The following PHLPP1 variants were observed in gnomAD, a reference collection of about 807,000 sequenced individuals.
The protein encoded by PHLPP1 is PH domain and leucine rich repeat protein phosphatase 1.
Under a neutral mutation model 117.2 loss-of-function variants are expected in PHLPP1, and 42 were observed. The ratio of observed to expected loss-of-function variants is 0.36; its 90% CI spans 0.28 to 0.46. PHLPP1 has a LOEUF of 0.46. Among genes scored for constraint, PHLPP1 ranks in the 20% least tolerant of loss-of-function variants. The pLI is 1.00. For synonymous variants in PHLPP1, 1,042 were observed against 970.7 expected (o/e 1.07, Z -1.37); for missense variants, 2,084 against 2,241.9 (o/e 0.93, Z 1.42).
intron 1 of PHLPP1, among the ~76,000 whole-genome samples, chr18:62,723,250 T>C (rs1910976012): frequency 6.6e-6 from 1 of 152,250 alleles, no homozygotes; most frequent in African/African-American, 2.4e-5. Context: ...ATCAATACTT[T>C]AGAAAAACAC....
rs774079803 is a variant in PHLPP1, at chr18:62,738,395, TAAA to T, written c.1576+21140_1576+21142del. ...CCAAAACAAAGCAACAATGCAACAA[TAAA>T]AAATAATAAAAAAATGCAGTATAAC... On this transcript the variant is annotated intron_variant, in intron 1 of 16. Coordinates refer to ENST00000262719, the MANE Select transcript of PHLPP1 (RefSeq NM_194449.4). 3.9e-5 allele frequency among the ~76,000 whole-genome samples: 6 copies of T among 152,082 alleles called. No homozygotes were observed. The East Asian group carries it at 1.2e-3, about 29-fold the overall frequency.
intron 4 of PHLPP1, among the ~76,000 whole-genome samples, chr18:62,886,528 G>C (rs753159855): frequency 6.6e-6 from 1 of 152,164 alleles, no homozygotes; most frequent in Non-Finnish European, 1.5e-5. Flanking sequence ...TCCTGCCTCA[G>C]CTTCCCAAAG....
At chr18:62,763,339 C>A (rs1912322397) in intron 1 of PHLPP1, among the ~76,000 whole-genome samples, 1 of 152,156 alleles carries the variant, frequency 6.6e-6, no homozygotes, top group African/African-American at 2.4e-5. Flanking sequence ...CGGTGGAACT[C>A]GGGAGGAAGC....
At chr18:62,804,847 A>G (rs1027513485) in intron 1 of PHLPP1, among the ~76,000 whole-genome samples, 4 of 148,734 alleles carry the variant, frequency 2.7e-5, no homozygotes, top group African/African-American at 7.5e-5. Flanking sequence ...ATACAGTATA[A>G]TATACACTAT....
intron 13 of PHLPP1, 136 bp downstream of exon 13, chr18:62,958,895 A>C: frequency 1.0e-6 from 1 of 955,382 alleles, no homozygotes; most frequent in Non-Finnish European, 1.5e-6. Context: ...AGGATATACA[A>C]GATGCAGGGA....
intron 1 of PHLPP1, among the ~76,000 whole-genome samples, chr18:62,813,566 C>G (rs1188591912): frequency 2.6e-5 from 4 of 152,172 alleles, no homozygotes; most frequent in African/African-American, 9.7e-5. Context: ...CAACCAAATC[C>G]TGATGATCCA....
chr18:62,916,852 C>G (rs1045931765), intron 9 of PHLPP1, among the ~76,000 whole-genome samples: 4 of 141,966 alleles, frequency 2.8e-5, no homozygotes, highest in African/African-American at 1.0e-4. Context: ...CTCCCGGGTT[C>G]CAGCAATTCT....
intron 1 of PHLPP1, among the ~76,000 whole-genome samples, chr18:62,748,087 T>G (rs143222836): frequency 1.1e-4 from 16 of 151,848 alleles, no homozygotes; most frequent in African/African-American, 3.9e-4. Context: ...TGTTAAGTAT[T>G]TCATTCATCT....
intron 4 of PHLPP1, among the ~76,000 whole-genome samples, chr18:62,861,451 C>A (rs1421816087): frequency 6.6e-6 from 1 of 152,166 alleles, no homozygotes; most frequent in Non-Finnish European, 1.5e-5. Flanking sequence ...ACTTGCATGT[C>A]TCCAAAACAG....
chr18:62,866,898 A>T (rs2144368394), intron 4 of PHLPP1, among the ~76,000 whole-genome samples: 1 of 152,214 alleles, frequency 6.6e-6, no homozygotes, highest in Admixed American at 6.5e-5. Flanking sequence ...CCCAGCTGTT[A>T]TAGTAAAAGT....
At position 62,927,392 on chromosome 18, in the gene PHLPP1, C is replaced by CA. The variant is rs1288794314; in HGVS notation, c.2960+7284dup. Among the ~76,000 whole-genome samples, 6 of 152,030 alleles carry CA rather than the reference C, an allele frequency of 3.9e-5. No individual in the cohort carries two copies. In the East Asian group the frequency reaches 9.6e-4, roughly 24 times the overall value. On this transcript the variant is annotated intron_variant, in intron 10 of 16. Coordinates refer to ENST00000262719, the MANE Select transcript of PHLPP1 (RefSeq NM_194449.4). ...GTCCACTGTCGAATAGTTCGTACCC[C>CA]AAAAAATCTATTGTGAAGCCTAAGA...
intron 1 of PHLPP1, among the ~76,000 whole-genome samples, chr18:62,787,314 G>A (rs545156582): frequency 1.3e-5 from 2 of 152,142 alleles, no homozygotes; most frequent in African/African-American, 4.8e-5. Flanking sequence ...CTACAGGCAC[G>A]TGCCGCTACT....
chr18:62,961,062 C>T (rs1051732258), intron 13 of PHLPP1, among the ~76,000 whole-genome samples: 3 of 152,020 alleles, frequency 2.0e-5, no homozygotes, highest in Non-Finnish European at 4.4e-5. Flanking sequence ...TTTGGGAGGC[C>T]GAGGTGGGTA....
At chr18:62,761,564 C>T (rs941953485) in intron 1 of PHLPP1, among the ~76,000 whole-genome samples, 3 of 151,638 alleles carry the variant, frequency 2.0e-5, no homozygotes, top group Non-Finnish European at 2.9e-5. Context: ...ACCCAGGAGG[C>T]GGAGCTTGCA....
At chr18:62,726,515 A>G (rs1911074839) in intron 1 of PHLPP1, among the ~76,000 whole-genome samples, 1 of 150,264 alleles carries the variant, frequency 6.7e-6, no homozygotes, top group African/African-American at 2.4e-5. Context: ...GGATTTTAAA[A>G]ATTTTCTAGT....
chr18:62,808,258 G>A (rs1240979909), intron 1 of PHLPP1, among the ~76,000 whole-genome samples: 1 of 152,068 alleles, frequency 6.6e-6, no homozygotes, highest in Non-Finnish European at 1.5e-5. Flanking sequence ...GTGGAGTAGT[G>A]GACAGATGAC....
intron 4 of PHLPP1, among the ~76,000 whole-genome samples, chr18:62,885,457 C>G (rs768163239): frequency 6.6e-6 from 1 of 152,062 alleles, no homozygotes; most frequent in Non-Finnish European, 1.5e-5. Context: ...GTCAGAAGTT[C>G]GAGACCAGCC....
At chr18:62,782,382 AT>A (rs1480608902) in intron 1 of PHLPP1, among the ~76,000 whole-genome samples, 2 of 152,146 alleles carry the variant, frequency 1.3e-5, no homozygotes, top group African/African-American at 2.4e-5. Flanking sequence ...GTTTAACTCA[AT>A]TGGATTTTTT....
chr18:62,961,538 A>G (rs562678778), intron 13 of PHLPP1, among the ~76,000 whole-genome samples: 10 of 152,234 alleles, frequency 6.6e-5, no homozygotes, highest in Non-Finnish European at 1.2e-4. Context: ...GCCTTTAAAA[A>G]TGAGCCTTCA....
Sources: gnomAD v4.1 joint callset for allele counts (sites outside exome capture counted in the v4.1 genomes callset) on GRCh38, gnomAD v4.1.1 for gene constraint, MANE v1.5 for transcripts, NCBI Gene and HGNC (gene_info 2026-07-23, HGNC 2026-07-21) for gene names.